Variants in PISD observed in about 807,000 individuals in gnomAD.
PISD encodes phosphatidylserine decarboxylase proenzyme, mitochondrial.
PISD carries 31 observed loss-of-function variants against 43.5 expected under a neutral mutation model. The ratio of observed to expected loss-of-function variants is 0.71; its 90% CI spans 0.54 to 0.96. The LOEUF (loss-of-function observed/expected upper bound fraction) is 0.96. PISD is among the 40% of genes least tolerant of loss of function. The probability of loss-of-function intolerance (pLI) is 0.00; values close to 1 mark genes in which losing one functional copy is unlikely to be tolerated. For missense variants in PISD, 523 were observed against 548.4 expected, an observed-to-expected ratio of 0.95 and a Z score of 0.46; for synonymous variants, 259 against 228.7, an observed-to-expected ratio of 1.13 and a Z score of -1.20.
At chr22:31,620,530 G>A (rs1368021211) in intron 7 of PISD, 23 bp downstream of exon 7, 1 of 1,612,504 alleles carries the variant, frequency 6.2e-7, no homozygotes, top group East Asian at 2.2e-5. Context: ...CTTGGGCTTT[G>A]GCAGGGCCTA....
chr22:31,625,794 G>A (rs138347447), intron 3 of PISD: 31 of 1,599,396 alleles, frequency 1.9e-5, no homozygotes, highest in Middle Eastern at 1.7e-4. Flanking sequence ...GGTCCTTGCC[G>A]CGCCTCTGAC....
intron 3 of PISD, chr22:31,638,524 G>A (rs2073586175): frequency 1.0e-6 from 1 of 985,400 alleles, no homozygotes; most frequent in Admixed American, 6.2e-5. Flanking sequence ...GAGAGGAAAT[G>A]ACACAGCTGC....
Position 31,621,423 on chromosome 22 carries a change from C to T in PISD, c.608G>A (p.Cys203Tyr). 1.2e-6 allele frequency: 2 copies of T among 1,614,160 alleles called. No homozygotes were observed. Among genetic ancestry groups the T allele is most frequent in the Non-Finnish European group, 1.7e-6 (2 of 1,180,030 alleles). The change falls in exon 5 of 8, where the codon TGT (cysteine) becomes TAT (tyrosine). Residue 203 changes from cysteine to tyrosine, a missense_variant. By Grantham distance (194) the Cys-to-Tyr change is radical. Transcript: ENST00000439502. ...GACCCCCTTTACCTGCTCCACCTCA[C>T]AGTTCTTCACCTGCCCAAAGTTGAG... is the stretch of plus-strand genomic sequence containing the variant. ...RILNFGQVKN[C>Y]EVEQVKGVTY...
At chr22:31,631,838 T>C (rs966912330) in intron 3 of PISD, among the ~76,000 whole-genome samples, 2 of 152,194 alleles carry the variant, frequency 1.3e-5, no homozygotes. Context: ...GAGTTGGCCC[T>C]AGAAGTCTCA....
At chr22:31,627,910 T>C in intron 3 of PISD, 1 of 527,528 alleles carries the variant, frequency 1.9e-6, no homozygotes, top group Non-Finnish European at 2.4e-6. Context: ...TCAAGGCACA[T>C]GAGGCCAGGG....
At chr22:31,644,517 G>T (rs886548048) in intron 3 of PISD, among the ~76,000 whole-genome samples, 10 of 152,042 alleles carry the variant, frequency 6.6e-5, no homozygotes, top group Non-Finnish European at 1.0e-4. Context: ...GGGATTACAG[G>T]CATGAGCCAC....
At chr22:31,654,693 T>A (rs1324909241) in intron 1 of PISD, among the ~76,000 whole-genome samples, 1 of 152,060 alleles carries the variant, frequency 6.6e-6, no homozygotes, top group Non-Finnish European at 1.5e-5. Flanking sequence ...AATCTGAGGA[T>A]CATTCGGGCT....
At chr22:31,644,407 T>C (rs2073824829) in intron 3 of PISD, among the ~76,000 whole-genome samples, 2 of 151,428 alleles carry the variant, frequency 1.3e-5, no homozygotes, top group African/African-American at 4.8e-5. Flanking sequence ...GCCTGGCTAA[T>C]TTTTTGTATT....
chr22:31,630,880 C>T lies in PISD; in HGVS notation c.322-8995G>A. 2.0e-6 allele frequency: 2 copies of T among 984,922 alleles called. No homozygotes were observed. Among genetic ancestry groups the T allele is most frequent in the Non-Finnish European group, 2.4e-6 (2 of 829,434 alleles). The allele number at this position is 984,922 out of a possible 1,614,324, so 61.0% of individuals were successfully genotyped here. On this transcript the variant is annotated intron_variant, in intron 3 of 7. Transcript: ENST00000439502. The surrounding 1 kb of genome is among the most constrained non-coding windows in gnomAD (Gnocchi z 4.4). ...GCCGGGAAGCCTTGGGGCGAGTGGG[C>T]GGGGCTCGGGCTCCAGCCACTCAGA...
At chr22:31,652,953 C>T (rs1480831483) in intron 1 of PISD, among the ~76,000 whole-genome samples, 1 of 150,558 alleles carries the variant, frequency 6.6e-6, no homozygotes, top group Non-Finnish European at 1.5e-5. Flanking sequence ...GTGGGAGGAT[C>T]GCCTGAACCC....
At chr22:31,648,056 A>G in intron 3 of PISD, 45 bp downstream of exon 3, 1 of 1,527,944 alleles carries the variant, frequency 6.5e-7, no homozygotes, top group Non-Finnish European at 8.9e-7. Context: ...GTGACAGACA[A>G]AGTTTGCTGG....
intron 3 of PISD, chr22:31,625,607 G>A: frequency 5.7e-6 from 5 of 870,058 alleles, no homozygotes; most frequent in Non-Finnish European, 8.9e-6. Context: ...GACTCAGGGT[G>A]CTCAGGCCCC....
At chr22:31,629,380 G>A (rs2073081809) in intron 3 of PISD, 1 of 185,324 alleles carries the variant, frequency 5.4e-6, no homozygotes, top group African/African-American at 2.5e-5. Context: ...GTGTGTAGGT[G>A]TGAGTGTGTT....
At chr22:31,652,943 G>A (rs2074068618) in intron 1 of PISD, among the ~76,000 whole-genome samples, 3 of 151,304 alleles carry the variant, frequency 2.0e-5, no homozygotes, top group Non-Finnish European at 4.4e-5. Flanking sequence ...AAAAGTTGAA[G>A]TGGGAGGATC....
chr22:31,628,851 A>G (rs2073048447), intron 3 of PISD: 5 of 984,962 alleles, frequency 5.1e-6, no homozygotes, highest in South Asian at 4.7e-5. Context: ...CCAACACCTC[A>G]CCTCTCTTTC....
intron 3 of PISD, among the ~76,000 whole-genome samples, chr22:31,624,714 C>T (rs1461755822): frequency 3.5e-5 from 1 of 28,236 alleles, no homozygotes; most frequent in Non-Finnish European, 7.7e-5. Context: ...CAAAGGTGGA[C>T]ACACACACAC....
chr22:31,641,455 G>C (rs2073723354), intron 3 of PISD, among the ~76,000 whole-genome samples: 1 of 152,262 alleles, frequency 6.6e-6, no homozygotes, highest in Non-Finnish European at 1.5e-5. Flanking sequence ...TGGACAGAGG[G>C]AGGATTCATA....
intron 3 of PISD, among the ~76,000 whole-genome samples, chr22:31,644,763 T>A (rs1031769493): frequency 1.3e-5 from 2 of 152,166 alleles, no homozygotes; most frequent in Non-Finnish European, 1.5e-5. Flanking sequence ...CAGAGACTTT[T>A]TGAGTGCTGA....
Position 31,643,925 on chromosome 22 carries a change from G to A in PISD, c.321+4176C>T, listed in dbSNP as rs185094808. ...TAGCCAGGCCTGGTGGCGGGCACTT[G>A]TAATCCCAGCTACTCAGGAGGCTGA... On this transcript the variant is annotated intron_variant, in intron 3 of 7. Transcript: ENST00000439502. 2.5e-3 allele frequency among the ~76,000 whole-genome samples: 377 copies of A among 152,150 alleles called. 3 individuals carry two copies. Among genetic ancestry groups the A allele is most frequent in the African/African-American group, 8.7e-3 (361 of 41,534 alleles).
Sources: allele counts gnomAD v4.1 joint callset (sites outside exome capture counted in the v4.1 genomes callset), GRCh38; gene constraint gnomAD v4.1.1; non-coding constraint Gnocchi (gnomAD v3.1); transcripts MANE v1.5; gene names NCBI Gene and HGNC (gene_info 2026-07-23, HGNC 2026-07-21).